The following GABRA2 variants were observed in gnomAD, a reference collection of about 807,000 sequenced individuals.
GABRA2 encodes the protein gamma-aminobutyric acid receptor subunit alpha-2.
Under a neutral mutation model 48.7 loss-of-function variants are expected in GABRA2, and 16 were observed. That is an observed-to-expected ratio of 0.33 (90% CI 0.22 to 0.50). The LOEUF is 0.50. Among genes scored for constraint, GABRA2 ranks in the 20% least tolerant of loss-of-function variants. GABRA2 has a pLI of 0.98. For missense variants in GABRA2, 275 were observed against 535.6 expected (o/e 0.51, Z 4.80); for synonymous variants, 185 against 184.5 (o/e 1.00, Z -0.02).
At chr4:46,293,494 A>C (rs1435074187) in intron 8 of GABRA2, among the ~76,000 whole-genome samples, 2 of 152,216 alleles carry the variant, frequency 1.3e-5, no homozygotes. Context: ...GGTCCTCCAG[A>C]TAAAGTAGGG....
chr4:46,344,960 G>T (rs1733898332), intron 3 of GABRA2, among the ~76,000 whole-genome samples: 1 of 151,880 alleles, frequency 6.6e-6, no homozygotes. Flanking sequence ...GATATGGGTT[G>T]GCTCTGTGTC....
At chr4:46,360,671 G>A (rs1302516511) in intron 3 of GABRA2, among the ~76,000 whole-genome samples, 6 of 152,218 alleles carry the variant, frequency 3.9e-5, no homozygotes, top group African/African-American at 1.4e-4. Context: ...AAGGACTTTG[G>A]AACTGGGTAA....
At chr4:46,354,116 C>T (rs987535878) in intron 3 of GABRA2, among the ~76,000 whole-genome samples, 2 of 152,152 alleles carry the variant, frequency 1.3e-5, no homozygotes, top group East Asian at 3.9e-4. Flanking sequence ...TTTATTTTGT[C>T]TCATAAACCC....
chr4:46,330,700 A>T (rs963450077), intron 4 of GABRA2, among the ~76,000 whole-genome samples: 1 of 151,674 alleles, frequency 6.6e-6, no homozygotes, highest in Non-Finnish European at 1.5e-5. Flanking sequence ...ACATGAAAAA[A>T]CTACAATATT....
intron 3 of GABRA2, among the ~76,000 whole-genome samples, chr4:46,333,729 G>C (rs565192269): frequency 1.3e-5 from 2 of 151,978 alleles, no homozygotes; most frequent in Non-Finnish European, 2.9e-5. Flanking sequence ...ATTATAATCT[G>C]CATGTCAAAC....
intron 8 of GABRA2, among the ~76,000 whole-genome samples, chr4:46,289,907 AT>A (rs1156491241): frequency 7.3e-6 from 1 of 137,122 alleles, no homozygotes; most frequent in Non-Finnish European, 1.5e-5. Flanking sequence ...TTATTTATTT[AT>A]TTTTATTTTT....
chr4:46,306,891 G>A (rs1038127984), intron 6 of GABRA2, among the ~76,000 whole-genome samples: 1 of 152,028 alleles, frequency 6.6e-6, no homozygotes, highest in African/African-American at 2.4e-5. Context: ...AGTAACAATA[G>A]AGTAAATGAT....
chr4:46,328,276 G>A (rs1730726048), intron 4 of GABRA2, among the ~76,000 whole-genome samples: 2 of 118,394 alleles, frequency 1.7e-5, no homozygotes, highest in South Asian at 2.4e-4. Flanking sequence ...AGCAGAGTGT[G>A]TGTGTGTGTG....
intron 8 of GABRA2, among the ~76,000 whole-genome samples, chr4:46,269,715 T>C (rs953983639): frequency 4.0e-5 from 6 of 151,860 alleles, no homozygotes; most frequent in African/African-American, 1.4e-4. Flanking sequence ...CTGACTTTTT[T>C]TTGTTTCACA....
intron 5 of GABRA2, among the ~76,000 whole-genome samples, chr4:46,311,434 C>T (rs979138668): frequency 3.3e-5 from 5 of 152,084 alleles, no homozygotes; most frequent in African/African-American, 1.2e-4. Context: ...ATGCTGATGT[C>T]AGATGTCTGT....
At chr4:46,357,323 A>G (rs1736151324) in intron 3 of GABRA2, among the ~76,000 whole-genome samples, 1 of 150,560 alleles carries the variant, frequency 6.6e-6, no homozygotes, top group African/African-American at 2.5e-5. Context: ...CTTGGGGTTC[A>G]GGAGGAGAAA....
At chr4:46,273,468 C>CATATATATATATATGCATAT (rs1719770402) in intron 8 of GABRA2, among the ~76,000 whole-genome samples, 1 of 43,042 alleles carries the variant, frequency 2.3e-5, no homozygotes, top group African/African-American at 1.0e-4. Flanking sequence ...CCATTCATTG[C>CATATATATATATATGCATAT]ATATATATAT....
At chr4:46,372,622 TA>T (rs1305630141) in intron 3 of GABRA2, among the ~76,000 whole-genome samples, 2 of 152,170 alleles carry the variant, frequency 1.3e-5, no homozygotes, top group African/African-American at 4.8e-5. Context: ...AATTTCCTAT[TA>T]CACTCAGGCA....
At chr4:46,339,681 A>G (rs1732882273) in intron 3 of GABRA2, among the ~76,000 whole-genome samples, 1 of 151,890 alleles carries the variant, frequency 6.6e-6, no homozygotes, top group African/African-American at 2.4e-5. Flanking sequence ...CTTCTTCTCC[A>G]GGACATCGTA....
At chr4:46,260,282 C>G (rs1250371568) in intron 9 of GABRA2, among the ~76,000 whole-genome samples, 1 of 151,782 alleles carries the variant, frequency 6.6e-6, no homozygotes, top group African/African-American at 2.4e-5. Context: ...AATTCTTTTC[C>G]TGAAAATTAG....
chr4:46,337,256 CTT>C (rs1287317331), intron 3 of GABRA2, among the ~76,000 whole-genome samples: 1 of 152,178 alleles, frequency 6.6e-6, no homozygotes, highest in East Asian at 1.9e-4. Context: ...AGGTTTCACT[CTT>C]TTGTAATTTT....
At chr4:46,354,484 A>G (rs1578149166) in intron 3 of GABRA2, among the ~76,000 whole-genome samples, 1 of 152,256 alleles carries the variant, frequency 6.6e-6, no homozygotes, top group Non-Finnish European at 1.5e-5. Context: ...GGCAAGAAAA[A>G]CACAGGGAAC....
intron 8 of GABRA2, among the ~76,000 whole-genome samples, chr4:46,292,211 GA>G: frequency 6.6e-6 from 1 of 152,246 alleles, no homozygotes. Flanking sequence ...AACAAATGAT[GA>G]ACTCAGGGAT....
At chr4:46,338,978 C>T (rs1284065161) in intron 3 of GABRA2, among the ~76,000 whole-genome samples, 5 of 151,844 alleles carry the variant, frequency 3.3e-5, no homozygotes, top group Admixed American at 3.3e-4. Context: ...TAAGGCTAAT[C>T]AGGTTTATTG....
Sources: gnomAD v4.1 joint callset for allele counts (sites outside exome capture counted in the v4.1 genomes callset) on GRCh38, gnomAD v4.1.1 for gene constraint, MANE v1.5 for transcripts, NCBI Gene and HGNC (gene_info 2026-07-23, HGNC 2026-07-21) for gene names.